The following GKAP1 variants were observed in gnomAD, a reference collection of about 807,000 sequenced individuals.
GKAP1 encodes the protein G kinase-anchoring protein 1.
Under a neutral mutation model 56.7 loss-of-function variants are expected in GKAP1, and 31 were observed. The observed-to-expected ratio is 0.55, with a 90% confidence interval of 0.41 to 0.74. The LOEUF is 0.74. Among genes scored for constraint, GKAP1 ranks in the 30% least tolerant of loss-of-function variants. GKAP1 has a pLI of 0.00. For missense variants in GKAP1, 364 were observed against 402.3 expected, an observed-to-expected ratio of 0.90 and a Z score of 0.82; for synonymous variants, 151 against 138.6, an observed-to-expected ratio of 1.09 and a Z score of -0.63.
intron 9 of GKAP1, among the ~76,000 whole-genome samples, chr9:83,750,128 G>A (rs140422106): frequency 1.3e-5 from 2 of 149,450 alleles, no homozygotes; most frequent in South Asian, 2.2e-4. Context: ...CAAGGTTTAC[G>A]GTCTAAAATA....
chr9:83,816,047 A>C (rs1944584914), intron 2 of GKAP1, among the ~76,000 whole-genome samples: 1 of 150,892 alleles, frequency 6.6e-6, no homozygotes, highest in Non-Finnish European at 1.5e-5. Context: ...AAAAAAAAAA[A>C]AAAATTAGCC....
chr9:83,777,217 G>C (rs1490582416), intron 7 of GKAP1, among the ~76,000 whole-genome samples: 2 of 152,062 alleles, frequency 1.3e-5, no homozygotes, highest in African/African-American at 4.8e-5. Flanking sequence ...ATTGAAGACT[G>C]GATCATTTAG....
At chr9:83,776,908 A>C (rs1943872596) in intron 7 of GKAP1, among the ~76,000 whole-genome samples, 1 of 127,890 alleles carries the variant, frequency 7.8e-6, no homozygotes, top group African/African-American at 2.6e-5. Context: ...TAATCAGCTA[A>C]AGGTAGACAT....
At chr9:83,792,621 T>C (rs1253403721) in intron 4 of GKAP1, among the ~76,000 whole-genome samples, 1 of 152,082 alleles carries the variant, frequency 6.6e-6, no homozygotes, top group African/African-American at 2.4e-5. Context: ...CTAACACATA[T>C]CAGAAAAGAG....
At chr9:83,771,616 A>G (rs956977727) in intron 7 of GKAP1, among the ~76,000 whole-genome samples, 1 of 152,216 alleles carries the variant, frequency 6.6e-6, no homozygotes, top group Admixed American at 6.5e-5. Context: ...CATAAACATC[A>G]TGAGAAGTTG....
intron 7 of GKAP1, among the ~76,000 whole-genome samples, chr9:83,769,367 A>G (rs917028974): frequency 2.0e-5 from 3 of 152,146 alleles, no homozygotes; most frequent in Non-Finnish European, 2.9e-5. Context: ...AAGAAACTGT[A>G]CCCATTAGCC....
At chr9:83,756,470 CAAAAAAAAAAA>C (rs142896755) in intron 8 of GKAP1, among the ~76,000 whole-genome samples, 4 of 75,442 alleles carry the variant, frequency 5.3e-5, no homozygotes, top group Admixed American at 1.9e-4. Context: ...GACTCCATCT[CAAAAAAAAAAA>C]AAAAAAAAAA....
intron 2 of GKAP1, among the ~76,000 whole-genome samples, chr9:83,808,138 A>AT (rs1944463981): frequency 6.6e-6 from 1 of 152,218 alleles, no homozygotes; most frequent in African/African-American, 2.4e-5. Context: ...ATGATACCAC[A>AT]TTGATAAACC....
intron 8 of GKAP1, among the ~76,000 whole-genome samples, chr9:83,760,654 T>A (rs1587700200): frequency 6.6e-6 from 1 of 152,210 alleles, no homozygotes; most frequent in East Asian, 1.9e-4. Flanking sequence ...AAAATTGAAG[T>A]AATATCAAGC....
Position 83,742,545 on chromosome 9 carries a change from A to G in GKAP1, c.960T>C (p.Asn320=). ...AGTTCCTTACCTGAATAGTGAGCTC[A>G]TTCTTGATACTTTGTGATTCATCAA... The part of the protein sequence containing the change: ...LQVDESQSIK[N]ELTIQVTSLH... Residue 320 remains asparagine (N), a synonymous_variant, in exon 11 of 13, where the codon AAT becomes AAC. Transcript: ENST00000376371. 5.6e-6 allele frequency: 9 copies of G among 1,612,090 alleles called. No individual in the cohort carries two copies. The highest frequency in any genetic ancestry group is 6.8e-6 in the Non-Finnish European group (8 of 1,178,942).
intron 10 of GKAP1, among the ~76,000 whole-genome samples, chr9:83,742,933 G>A (rs1943232866): frequency 6.6e-6 from 1 of 152,192 alleles, no homozygotes; most frequent in Non-Finnish European, 1.5e-5. Flanking sequence ...AAGGTGGGCA[G>A]ATCACTTGAA....
rs1386502461 is a variant in GKAP1 at position 83,784,701 on chromosome 9, T to G, written c.562+14A>C. 6.5e-7 allele frequency: 1 copy of G among 1,542,976 alleles called. No homozygotes were observed. The highest frequency in any genetic ancestry group is 8.8e-7 in the Non-Finnish European group (1 of 1,142,160). Reference sequence around the variant, plus strand: ...AATAGTTCTTTTAGCATAATAGCATTGTATATACATTACCTTCCGAATGAA... The same window carrying G: ...AATAGTTCTTTTAGCATAATAGCATGGTATATACATTACCTTCCGAATGAA... On this transcript the variant is annotated intron_variant, in intron 6 of 12. Transcript: ENST00000376371.
chr9:83,750,883 C>T (rs536168644), intron 9 of GKAP1, among the ~76,000 whole-genome samples: 8 of 152,188 alleles, frequency 5.3e-5, no homozygotes, highest in African/African-American at 1.9e-4. Flanking sequence ...GTCACCCAGG[C>T]TGGAGTGCAT....
Position 83,768,912 on chromosome 9 carries a change from T to C in GKAP1, c.644A>G (p.Asp215Gly), listed in dbSNP as rs757510120. ...HDGGFFNRLE[D>G]DVHKILIREK... ...TCTAATAAGAATTTTATGAACATCA[T>C]CTTCCAGTCTATTGAAGAATCCTCC... The change falls in exon 8 of 13, where the codon GAT (aspartate) becomes GGT (glycine). Residue 215 changes from aspartate (D) to glycine (G), a missense_variant. Transcript: ENST00000376371. The C allele has an allele frequency of 1.9e-6, 3 of 1,611,166 alleles. No homozygotes were observed. Among genetic ancestry groups the C allele is most frequent in the Non-Finnish European group, 2.5e-6 (3 of 1,178,324 alleles).
intron 4 of GKAP1, among the ~76,000 whole-genome samples, chr9:83,796,003 C>G (rs970119363): frequency 3.3e-5 from 5 of 152,182 alleles, no homozygotes; most frequent in Non-Finnish European, 4.4e-5. Flanking sequence ...TATATTTATA[C>G]TACTATTTCC....
At chr9:83,804,557 C>T (rs1205777365) in intron 3 of GKAP1, among the ~76,000 whole-genome samples, 10 of 114,642 alleles carry the variant, frequency 8.7e-5, no homozygotes, top group Admixed American at 7.6e-4. Flanking sequence ...CCAGACGCCC[C>T]GTCCGGGAGG....
intron 2 of GKAP1, among the ~76,000 whole-genome samples, chr9:83,808,554 A>T (rs562762693): frequency 6.6e-6 from 1 of 152,306 alleles, no homozygotes; most frequent in African/African-American, 2.4e-5. Flanking sequence ...CCGAGGTTGC[A>T]CGACTGACTC....
intron 4 of GKAP1, among the ~76,000 whole-genome samples, chr9:83,796,150 T>C (rs1303642558): frequency 6.6e-6 from 1 of 151,892 alleles, no homozygotes; most frequent in African/African-American, 2.4e-5. Context: ...CAGGCCAGTC[T>C]CAAACTCCTG....
intron 8 of GKAP1, among the ~76,000 whole-genome samples, chr9:83,765,321 C>A (rs116974347): frequency 0.021 from 3,266 of 152,350 alleles, 55 homozygotes; most frequent in Middle Eastern, 0.041. Context: ...CGTATGGAAA[C>A]TCCTGGATGT....
Sources: gnomAD v4.1 joint callset for allele counts (sites outside exome capture counted in the v4.1 genomes callset) on GRCh38, gnomAD v4.1.1 for gene constraint, MANE v1.5 for transcripts, NCBI Gene and HGNC (gene_info 2026-07-23, HGNC 2026-07-21) for gene names.